The following AP2A1 variants were observed in gnomAD, a reference collection of about 807,000 sequenced individuals.
AP2A1 encodes the protein adaptor related protein complex 2 subunit alpha 1.
Under a neutral mutation model 107.3 loss-of-function variants are expected in AP2A1, and 21 were observed. The ratio of observed to expected loss-of-function variants is 0.20; its 90% CI spans 0.14 to 0.28. The LOEUF (loss-of-function observed/expected upper bound fraction) is 0.28. Among genes scored for constraint, AP2A1 ranks in the 10% least tolerant of loss-of-function variants. AP2A1 has a pLI of 1.00. For missense variants in AP2A1, 873 were observed against 1,307.7 expected (o/e 0.67, Z 5.13); for synonymous variants, 602 against 564.8 (o/e 1.07, Z -0.93).
chr19:49,772,362 G>C (rs2084571612), intron 1 of AP2A1, among the ~76,000 whole-genome samples: 1 of 146,734 alleles, frequency 6.8e-6, no homozygotes, highest in South Asian at 2.2e-4. Flanking sequence ...CGGGTTCACG[G>C]AGATGGGTTT....
chr19:49,782,793 C>T, intron 4 of AP2A1, 69 bp downstream of exon 4: 1 of 1,477,444 alleles, frequency 6.8e-7, no homozygotes, highest in Non-Finnish European at 9.0e-7. Context: ...GTGTGAGGCT[C>T]AGAGAGGCTC....
rs2073282609 is a variant in AP2A1, at chr19:49,801,715, G to A, written c.1786-7G>A. The stretch of plus-strand genomic sequence containing the variant: ...CGAACTGACCTTCCCCACCCCGACC[G>A]CGCCAGGCCACGGTGCTGGAGGAGA... On this transcript the variant is annotated splice_region_variant and splice_polypyrimidine_tract_variant and intron_variant, in intron 13 of 22. Coordinates refer to ENST00000354293, the MANE Select transcript of AP2A1 (RefSeq NM_130787.3). The A allele has an allele frequency of 7.7e-7, 1 of 1,300,618 alleles. No individual in the cohort carries two copies. Among genetic ancestry groups the A allele is most frequent in the Non-Finnish European group, 1.0e-6 (1 of 995,958 alleles). The allele number at this position is 1,300,618 out of a possible 1,614,324, so 80.6% of individuals were successfully genotyped here. A position where few individuals can be genotyped will look rare whatever the true frequency, so the allele number is the denominator to read the frequency against.
intron 1 of AP2A1, among the ~76,000 whole-genome samples, chr19:49,773,150 A>G (rs796629344): frequency 7.9e-5 from 12 of 152,228 alleles, no homozygotes; most frequent in African/African-American, 2.4e-4. Flanking sequence ...AATTCTGCAG[A>G]TAAGGAGGGG....
intron 1 of AP2A1, among the ~76,000 whole-genome samples, chr19:49,767,549 G>A (rs1187217040): frequency 6.6e-6 from 1 of 152,128 alleles, no homozygotes; most frequent in Non-Finnish European, 1.5e-5. Context: ...TCCCAATGTA[G>A]AGAAGAAGTG....
At position 49,800,972 on chromosome 19, in the gene AP2A1, C is replaced by T. The variant is rs1232923666; in HGVS notation, c.1467C>T (p.Ala489=). ...AAKTVFEALQ[A]PACHENMVKV... is the part of the protein sequence containing the mutation. ...CCCACCCCACTCAGGCGCTCCAGGC[C>T]CCTGCCTGTCACGAGAACATGGTGA... The change falls in exon 12 of 23, where the codon GCC becomes GCT. Residue 489 remains alanine, a synonymous_variant. Transcript: ENST00000354293. 3.7e-6 allele frequency: 6 copies of T among 1,600,924 alleles called. No homozygotes were observed. The highest frequency in any genetic ancestry group is 5.1e-6 in the Non-Finnish European group (6 of 1,174,054).
At chr19:49,777,606 T>G (rs1438565577) in intron 1 of AP2A1, among the ~76,000 whole-genome samples, 6 of 138,378 alleles carry the variant, frequency 4.3e-5, no homozygotes, top group Non-Finnish European at 7.6e-5. Context: ...CTGCACTCCA[T>G]CCTGGGCGAC....
At chr19:49,778,109 T>A (rs2084635596) in intron 1 of AP2A1, among the ~76,000 whole-genome samples, 1 of 152,176 alleles carries the variant, frequency 6.6e-6, no homozygotes, top group Non-Finnish European at 1.5e-5. Flanking sequence ...ATTTAAATCA[T>A]TTCAAGTACA....
At chr19:49,806,558 C>T (rs948640300) in intron 22 of AP2A1, 123 bp from the exon 23 acceptor site, 1 of 1,497,556 alleles carries the variant, frequency 6.7e-7, no homozygotes, top group Non-Finnish European at 8.9e-7. Context: ...TTACATTTTT[C>T]TCTCCTGTGT....
At chr19:49,793,898 CTTTTTTTTTTTTT>C (rs956804227) in intron 6 of AP2A1, among the ~76,000 whole-genome samples, 26 of 74,582 alleles carry the variant, frequency 3.5e-4, no homozygotes, top group African/African-American at 1.1e-3. Context: ...CTCATTGTTT[CTTTTTTTTTTTTT>C]TTTTTTTTTT....
At chr19:49,773,644 A>G (rs991851793) in intron 1 of AP2A1, among the ~76,000 whole-genome samples, 3 of 152,148 alleles carry the variant, frequency 2.0e-5, no homozygotes, top group Non-Finnish European at 4.4e-5. Context: ...ACACAGGTGA[A>G]TATTTTGGGG....
Position 49,803,303 on chromosome 19 carries a change from C to T in AP2A1, c.2271C>T (p.Phe757=), listed in dbSNP as rs772561671. The T allele has an allele frequency of 1.2e-6, 2 of 1,613,982 alleles. No homozygotes were observed. The highest frequency in any genetic ancestry group is 2.2e-5 in the South Asian group (2 of 91,088). The change falls in exon 18 of 23, where the codon TTC becomes TTT. Residue 757 remains phenylalanine (F), a synonymous_variant. Transcript: ENST00000354293. Reference sequence around the variant, plus strand: ...CTACTGCAGGCCGCATGTATCTCTTCTATGGCAACAAGACCTCGGTGCAGT... The same window carrying T: ...CTACTGCAGGCCGCATGTATCTCTTTTATGGCAACAAGACCTCGGTGCAGT... The part of the protein sequence containing the change: ...FRQNLGRMYL[F]YGNKTSVQFQ...
In AP2A1 at chr19:49,767,062, C is replaced by T. The variant is rs1018536660; in HGVS notation, c.-72C>T. 6 of 1,505,802 alleles carry T rather than the reference C, an allele frequency of 4.0e-6. No individual in the cohort carries two copies. Among genetic ancestry groups the T allele is most frequent in the African/African-American group, 1.4e-5 (1 of 70,004 alleles). 93.3% of individuals were successfully genotyped at this position (1,505,802 alleles called of 1,614,324 possible). On this transcript the variant is annotated 5_prime_UTR_variant, in exon 1 of 23. Coordinates refer to ENST00000354293, the MANE Select transcript of AP2A1 (RefSeq NM_130787.3). Reference sequence around the variant, plus strand: ...GGCGCTGCCTGGGGTCCTTTCCGCCCGGTCCCCGCTTGCCAGCCCCCGCTG... The same window carrying T: ...GGCGCTGCCTGGGGTCCTTTCCGCCTGGTCCCCGCTTGCCAGCCCCCGCTG...
At chr19:49,787,511 C>A (rs1283877374) in intron 4 of AP2A1, among the ~76,000 whole-genome samples, 1 of 142,396 alleles carries the variant, frequency 7.0e-6, no homozygotes, top group African/African-American at 2.6e-5. Flanking sequence ...CCACACCTGG[C>A]TATTTTTTTT....
chr19:49,767,019 C>G lies in AP2A1; in HGVS notation c.-115C>G. ...CCCGCCCGCCAGCCAGCCCTCCCCGCGGCCGGCTCGGCTCCTTGGCGCTGC... is the reference window on the plus strand; with the variant it reads ...CCCGCCCGCCAGCCAGCCCTCCCCGGGGCCGGCTCGGCTCCTTGGCGCTGC... On this transcript the variant is annotated 5_prime_UTR_variant, in exon 1 of 23. Coordinates refer to ENST00000354293, the MANE Select transcript of AP2A1 (RefSeq NM_130787.3). 8.9e-7 allele frequency: 1 copy of G among 1,124,060 alleles called. No individual in the cohort carries two copies. Among genetic ancestry groups the G allele is most frequent in the Non-Finnish European group, 1.2e-6 (1 of 857,170 alleles). 69.6% of individuals were successfully genotyped at this position (1,124,060 alleles called of 1,614,324 possible).
chr19:49,806,025 A>T (rs2073373588), intron 21 of AP2A1, 84 bp downstream of exon 21: 1 of 1,610,692 alleles, frequency 6.2e-7, no homozygotes, highest in South Asian at 1.1e-5. Flanking sequence ...AGTGGGGCCA[A>T]TTCCCATCCC....
chr19:49,801,995 C>G lies in AP2A1; in HGVS notation c.1968C>G (p.Pro656=). The G allele has an allele frequency of 2.0e-6, 3 of 1,525,474 alleles. No homozygotes were observed. Among genetic ancestry groups the G allele is most frequent in the Non-Finnish European group, 2.6e-6 (3 of 1,141,356 alleles). The allele number at this position is 1,525,474 out of a possible 1,614,324, so 94.5% of individuals were successfully genotyped here. The change falls in exon 15 of 23, where the codon CCC becomes CCG. Residue 656 remains proline (P), a synonymous_variant. Transcript: ENST00000354293. ...PTPSTVSTPS[P]SADLLGLRAA... is the part of the protein sequence containing the mutation. ...GCTTCCTACAGTCGACGCCCTCGCC[C>G]TCCGCCGACCTCCTGGGGCTGCGGG...
In AP2A1 at chr19:49,806,700, G is replaced by A. The variant is rs758407736; in HGVS notation, c.2810G>A (p.Arg937His). The change falls in exon 23 of 23, where the codon CGC becomes CAC. Residue 937 changes from arginine to histidine, a missense_variant. Physicochemically the swap from Arg to His is conservative, Grantham distance 29. This residue lies in a region of AP2A1 where 416 missense variants were observed against 473.4 expected (regional missense o/e 0.88). Coordinates refer to ENST00000354293, the MANE Select transcript of AP2A1 (RefSeq NM_130787.3). ...ACCCAGATGTACCGGCTGACCCTGC[G>A]CACCAGCAAGGAGCCCGTCTCCCGT... ...AQAQMYRLTL[R>H]TSKEPVSRHL... The A allele has an allele frequency of 1.2e-6, 2 of 1,613,114 alleles. No homozygotes were observed. Among genetic ancestry groups the A allele is most frequent in the Non-Finnish European group, 1.7e-6 (2 of 1,179,802 alleles).
intron 1 of AP2A1, among the ~76,000 whole-genome samples, chr19:49,773,210 A>G (rs1231313222): frequency 6.6e-6 from 1 of 152,204 alleles, no homozygotes; most frequent in Non-Finnish European, 1.5e-5. Context: ...TCCTGTCTGC[A>G]GCAGGAATAC....
chr19:49,803,203 G>T lies in AP2A1; in HGVS notation c.2254+14G>T, dbSNP rs775580373. 3 of 1,613,916 alleles carry T rather than the reference G, an allele frequency of 1.9e-6. No individual in the cohort carries two copies. In the Admixed American group the frequency reaches 5.0e-5, roughly 27 times the overall value. ...GACAGAACCTGGGTGTGTCCCGGGG[G>T]ACTGTGGGAATGGGTCGGAGGGAGA... On this transcript the variant is annotated intron_variant, in intron 17 of 22. Transcript: ENST00000354293.
Sources: allele counts gnomAD v4.1 joint callset (sites outside exome capture counted in the v4.1 genomes callset), GRCh38; gene constraint gnomAD v4.1.1; regional missense constraint gnomAD v4.1.1; transcripts MANE v1.5; gene names NCBI Gene and HGNC (gene_info 2026-07-23, HGNC 2026-07-21).